RPL4: variants seen among roughly 807,000 people sequenced by gnomAD.
The protein encoded by RPL4 is large ribosomal subunit protein uL4.
A neutral mutation model predicts 47.7 loss-of-function variants in RPL4; 3 were observed. That is an observed-to-expected ratio of 0.06 (90% CI 0.03 to 0.16). The LOEUF is 0.16. Among genes scored for constraint, RPL4 ranks in the 10% least tolerant of loss-of-function variants. The probability of loss-of-function intolerance (pLI) is 1.00; values close to 1 mark genes in which losing one functional copy is unlikely to be tolerated. For missense variants in RPL4, 413 were observed against 551.3 expected (o/e 0.75, Z 2.51); for synonymous variants, 208 against 182.1 (o/e 1.14, Z -1.15).
Position 66,498,192 on chromosome 15 carries a change from TCTA to T in RPL4, c.*1212_*1214del, listed in dbSNP as rs1281003221. The T allele has an allele frequency of 1.2e-5, 2 of 173,458 alleles. No individual in the cohort carries two copies. Among genetic ancestry groups the T allele is most frequent in the Non-Finnish European group, 2.5e-5 (2 of 80,170 alleles). The allele number at this position is 173,458 out of a possible 1,614,324, so 10.7% of individuals were successfully genotyped here. ...GGCACCAAATCAGTAGCACATGAACTCTACTGTGTTAAGAGGCCCTGCAGGGTA... is the reference window on the plus strand; with the variant it reads ...GGCACCAAATCAGTAGCACATGAACTCTGTGTTAAGAGGCCCTGCAGGGTA... On this transcript the variant is annotated 3_prime_UTR_variant, in exon 10 of 10. Coordinates refer to ENST00000307961, the MANE Select transcript of RPL4 (RefSeq NM_000968.4).
Position 66,501,017 on chromosome 15 carries a change from A to G in RPL4, c.765T>C (p.Ser255=). 2 of 1,614,018 alleles carry G rather than the reference A, an allele frequency of 1.2e-6. No homozygotes were observed. Among genetic ancestry groups the G allele is most frequent in the Non-Finnish European group, 1.7e-6 (2 of 1,179,924 alleles). ...HVGRFCIWTE[S]AFRKLDELYG... is the part of the protein sequence containing the mutation. ...ACAATTCATCTAACTTCCGGAAAGC[A>G]CTTTCAGTCCAAATGCAGAAACGTC... is the stretch of plus-strand genomic sequence containing the variant. The change falls in exon 7 of 10, where the codon AGT becomes AGC. Residue 255 remains serine (S), a synonymous_variant. Coordinates refer to ENST00000307961, the MANE Select transcript of RPL4 (RefSeq NM_000968.4).
intron 7 of RPL4, chr15:66,500,722 C>G (rs1893593549): frequency 1.7e-6 from 1 of 578,482 alleles, no homozygotes; most frequent in East Asian, 3.0e-5. Context: ...GCGGAGGCTG[C>G]AGTAAGCCAC....
In RPL4 at chr15:66,502,593, T is replaced by C. The variant is rs200722091; in HGVS notation, c.421+19A>G. 4 of 1,608,144 alleles carry C rather than the reference T, an allele frequency of 2.5e-6. No individual in the cohort carries two copies. The East Asian group carries it at 8.9e-5, about 36-fold the overall frequency. Reference sequence around the variant, plus strand: ...TCTTATTTCTTCTATCAAACTCTCTTATATAAAGTATTACAAACCTTTAGA... The same window carrying C: ...TCTTATTTCTTCTATCAAACTCTCTCATATAAAGTATTACAAACCTTTAGA... On this transcript the variant is annotated intron_variant, in intron 4 of 9. Coordinates refer to ENST00000307961, the MANE Select transcript of RPL4 (RefSeq NM_000968.4).
Position 66,499,651 on chromosome 15 carries a change from T to C in RPL4, c.1040A>G (p.His347Arg). 6.2e-7 allele frequency: 1 copy of C among 1,613,702 alleles called. No individual in the cohort carries two copies. Residue 347 changes from histidine (H) to arginine (R), a missense_variant and splice_region_variant, in exon 10 of 10, where the codon CAC (histidine) becomes CGC (arginine). Physicochemically the swap from His to Arg is conservative, Grantham distance 29. This residue lies in a region of RPL4 where 134 missense variants were observed against 122.7 expected (regional missense o/e 1.09). Coordinates refer to ENST00000307961, the MANE Select transcript of RPL4 (RefSeq NM_000968.4). ...RNTILRQARN[H>R]KLRVDKAAAA... The stretch of plus-strand genomic sequence containing the variant: ...AGCTGCCTTATCCACCCGGAGCTTG[T>C]GCTGCAACAAATTAGGCAGAAAACA...
At chr15:66,500,665 C>T (rs1341167025) in intron 7 of RPL4, 5 of 542,720 alleles carry the variant, frequency 9.2e-6, no homozygotes, top group African/African-American at 1.9e-5. Flanking sequence ...GCCTGTAGTC[C>T]CAGGTACTTG....
chr15:66,502,787 T>C, intron 3 of RPL4, 37 bp from the exon 4 acceptor site: 3 of 1,613,988 alleles, frequency 1.9e-6, no homozygotes, highest in Non-Finnish European at 2.5e-6. Context: ...TCTCAAATTT[T>C]AGTAATTACA....
intron 7 of RPL4, 63 bp from the exon 8 acceptor site, chr15:66,500,439 C>T: frequency 1.4e-6 from 2 of 1,407,482 alleles, no homozygotes; most frequent in Non-Finnish European, 2.0e-6. Context: ...GGAAGCTCAA[C>T]TGAAGCTTTA....
intron 7 of RPL4, 110 bp from the exon 8 acceptor site, chr15:66,500,486 C>G (rs1188044466): frequency 2.2e-6 from 2 of 900,250 alleles, no homozygotes; most frequent in Non-Finnish European, 3.5e-6. Flanking sequence ...ATCTACTACA[C>G]TATCACTTCT....
chr15:66,501,147 A>G (rs1287185088), intron 6 of RPL4, 42 bp from the exon 7 acceptor site: 1 of 1,601,164 alleles, frequency 6.2e-7, no homozygotes, highest in South Asian at 1.1e-5. Context: ...GTATTCCAAC[A>G]AAAGAAACAC....
At chr15:66,504,439 G>A (rs1005037418) in intron 1 of RPL4, among the ~76,000 whole-genome samples, 1 of 152,182 alleles carries the variant, frequency 6.6e-6, no homozygotes, top group Admixed American at 6.5e-5. Context: ...TTTAGGCGAA[G>A]AGAACCAGAA....
chr15:66,501,526 T>C, intron 5 of RPL4, 22 bp from the exon 6 acceptor site: 1 of 1,613,558 alleles, frequency 6.2e-7, no homozygotes, highest in Non-Finnish European at 8.5e-7. Flanking sequence ...GCAGTTTTAG[T>C]ATTCTGATTA....
chr15:66,504,461 G>A (rs906997217), intron 1 of RPL4, among the ~76,000 whole-genome samples: 4 of 152,178 alleles, frequency 2.6e-5, no homozygotes, highest in Non-Finnish European at 5.9e-5. Flanking sequence ...GCTTTTAATA[G>A]AAATGATTCC....
chr15:66,500,789 A>G (rs1893594893), intron 7 of RPL4, 160 bp downstream of exon 7: 1 of 850,104 alleles, frequency 1.2e-6, no homozygotes, highest in Admixed American at 3.1e-5. Context: ...CTCAAAAACA[A>G]AACAAAAAAC....
rs886110247 is a variant in RPL4 at position 66,502,106 on chromosome 15, T to C, written c.422-194A>G. 3 of 806,270 alleles carry C rather than the reference T, an allele frequency of 3.7e-6. No individual in the cohort carries two copies. The African/African-American group carries it at 5.0e-5, about 14-fold the overall frequency. The allele number at this position is 806,270 out of a possible 1,614,324, so 49.9% of individuals were successfully genotyped here. ...CATCATTTTGACAGTTAAATAAAAA[T>C]GCGATGGGTACGCAACAGGCAAGTT... On this transcript the variant is annotated intron_variant, in intron 4 of 9. Coordinates refer to ENST00000307961, the MANE Select transcript of RPL4 (RefSeq NM_000968.4).
rs115075953 is a variant in RPL4, at chr15:66,504,469, T to G, written c.3+319A>C. 4.4e-3 allele frequency among the ~76,000 whole-genome samples: 671 copies of G among 152,236 alleles called. 5 individuals are homozygous for G. Among genetic ancestry groups the G allele is most frequent in the African/African-American group, 0.015 (622 of 41,532 alleles). ...CCAGAAAGCTTTTAATAGAAATGAT[T>G]CCCAAGCTAGGCAGAGACAAGCATC... On this transcript the variant is annotated intron_variant, in intron 1 of 9. Transcript: ENST00000307961.
chr15:66,500,474 A>G (rs1023095775), intron 7 of RPL4, 98 bp from the exon 8 acceptor site: 4 of 992,202 alleles, frequency 4.0e-6, no homozygotes, highest in African/African-American at 1.6e-5. Flanking sequence ...GCTCTCCAAA[A>G]TATCTACTAC....
chr15:66,502,231 A>T, intron 4 of RPL4: 1 of 417,142 alleles, frequency 2.4e-6, no homozygotes, highest in Non-Finnish European at 4.4e-6. Context: ...AAGTAGTCAG[A>T]CCTAGTATTT....
intron 1 of RPL4, 52 bp from the exon 2 acceptor site, chr15:66,503,581 A>C: frequency 6.6e-7 from 1 of 1,524,110 alleles, no homozygotes; most frequent in Non-Finnish European, 8.9e-7. Flanking sequence ...TTTGAAGCAA[A>C]CTCTTCTCAT....
At chr15:66,501,973 T>G (rs1207036545) in intron 4 of RPL4, 61 bp from the exon 5 acceptor site, 2 of 1,508,200 alleles carry the variant, frequency 1.3e-6, no homozygotes. Context: ...AAAAAAAAAA[T>G]CAAACATTTT....
Sources: gnomAD v4.1 joint callset for allele counts (sites outside exome capture counted in the v4.1 genomes callset) on GRCh38, gnomAD v4.1.1 for gene constraint, gnomAD v4.1.1 regional missense constraint, MANE v1.5 for transcripts, NCBI Gene and HGNC (gene_info 2026-07-23, HGNC 2026-07-21) for gene names.